CCDC93: variants seen among roughly 807,000 people sequenced by gnomAD.
CCDC93 encodes CCC complex scaffolding subunit CCDC93.
In CCDC93, 61 loss-of-function variants were observed where a neutral mutation model predicts 108.2. That is an observed-to-expected ratio of 0.56 (90% CI 0.46 to 0.70). The LOEUF (loss-of-function observed/expected upper bound fraction) is 0.70, where lower values mean the gene tolerates loss of function less well. Ranked by LOEUF, CCDC93 falls within the 30% of genes least tolerant of loss-of-function variation. The pLI is 0.00. For synonymous variants in CCDC93, 276 were observed against 260.4 expected, an observed-to-expected ratio of 1.06 and a Z score of -0.58; for missense variants, 685 against 764.2, an observed-to-expected ratio of 0.90 and a Z score of 1.22.
In CCDC93 at chr2:117,916,437, G is replaced by C. The variant is rs1249919827; in HGVS notation, c.*3906C>G. The C allele has an allele frequency of 6.6e-6, 1 of 152,170 alleles. No individual in the cohort carries two copies. Among genetic ancestry groups the C allele is most frequent in the Non-Finnish European group, 1.5e-5 (1 of 68,036 alleles). The allele number at this position is 152,170 out of a possible 1,614,324, so 9.4% of individuals were successfully genotyped here. A position where few individuals can be genotyped will look rare whatever the true frequency, so the allele number is the denominator to read the frequency against. On this transcript the variant is annotated 3_prime_UTR_variant, in exon 24 of 24. Coordinates refer to ENST00000376300, the MANE Select transcript of CCDC93 (RefSeq NM_019044.5). ...AAGGTTACAGTATAACATACTCTGAGAGAGACCCTCTAAAGTTGTGAAAAC... is the reference window on the plus strand; with the variant it reads ...AAGGTTACAGTATAACATACTCTGACAGAGACCCTCTAAAGTTGTGAAAAC...
intron 6 of CCDC93, among the ~76,000 whole-genome samples, chr2:117,992,250 TTTA>T (rs1243244810): frequency 6.6e-6 from 1 of 152,134 alleles, no homozygotes; most frequent in Non-Finnish European, 1.5e-5. Flanking sequence ...CCCCTTTTTA[TTTA>T]TTGTTTTGAG....
intron 12 of CCDC93, among the ~76,000 whole-genome samples, chr2:117,954,929 A>C (rs1468474933): frequency 6.6e-6 from 1 of 151,394 alleles, no homozygotes; most frequent in African/African-American, 2.4e-5. Context: ...GTGAAGAAGG[A>C]CATGTTTGCT....
At chr2:117,930,354 A>T (rs1266544687) in intron 23 of CCDC93, among the ~76,000 whole-genome samples, 1 of 152,188 alleles carries the variant, frequency 6.6e-6, no homozygotes, top group Non-Finnish European at 1.5e-5. Flanking sequence ...CAAGGGACCA[A>T]ATGAAGTCTT....
intron 11 of CCDC93, among the ~76,000 whole-genome samples, chr2:117,973,101 T>C (rs936206409): frequency 6.6e-6 from 1 of 152,226 alleles, no homozygotes; most frequent in Non-Finnish European, 1.5e-5. Flanking sequence ...TGATAACGCC[T>C]CCAGATTACT....
At chr2:117,931,362 A>G (rs950071538) in intron 22 of CCDC93, 1 of 460,498 alleles carries the variant, frequency 2.2e-6, no homozygotes, top group African/African-American at 2.0e-5. Context: ...ACTGAGTATT[A>G]ACTGTTTCCA....
At chr2:117,937,853 C>T (rs142651503) in intron 20 of CCDC93, among the ~76,000 whole-genome samples, 68 of 152,138 alleles carry the variant, frequency 4.5e-4, no homozygotes, top group African/African-American at 1.5e-3. Context: ...CTGTGTAAGC[C>T]CCGGATACAG....
intron 11 of CCDC93, among the ~76,000 whole-genome samples, chr2:117,960,820 T>A (rs1322666460): frequency 2.0e-5 from 3 of 152,254 alleles, no homozygotes; most frequent in Admixed American, 6.5e-5. Flanking sequence ...TACAGTGACA[T>A]CTTCCAGATG....
chr2:117,924,822 A>C (rs993466796), intron 23 of CCDC93, among the ~76,000 whole-genome samples: 1 of 152,210 alleles, frequency 6.6e-6, no homozygotes, highest in Non-Finnish European at 1.5e-5. Context: ...CAAGACACAT[A>C]ATTGTCAGAT....
rs181164804 is a variant in CCDC93 at position 118,004,334 on chromosome 2, G to C, written c.251+2388C>G. Among the ~76,000 whole-genome samples the C allele has an allele frequency of 1.6e-4, 25 of 152,342 alleles. No individual in the cohort carries two copies. The East Asian group carries it at 4.6e-3, about 28-fold the overall frequency. On this transcript the variant is annotated intron_variant, in intron 3 of 23. Transcript: ENST00000376300. The stretch of plus-strand genomic sequence containing the variant: ...TGGGCCTCTGGCCATAGGACCCTCT[G>C]TTAATGGGGCTTCAGAAGAAGATAG...
chr2:117,942,715 T>C (rs570206207), intron 18 of CCDC93, among the ~76,000 whole-genome samples: 11 of 152,284 alleles, frequency 7.2e-5, no homozygotes, highest in African/African-American at 2.6e-4. Context: ...TCTCAGGGCC[T>C]CTTCCACATT....
At chr2:117,974,963 T>C in intron 9 of CCDC93, 63 bp from the exon 10 acceptor site, 1 of 1,355,834 alleles carries the variant, frequency 7.4e-7, no homozygotes. Context: ...AGAAGCAATA[T>C]GCCTACATGG....
At chr2:117,938,682 C>T (rs1678601329) in intron 20 of CCDC93, among the ~76,000 whole-genome samples, 1 of 152,034 alleles carries the variant, frequency 6.6e-6, no homozygotes, top group East Asian at 1.9e-4. Context: ...TCCCTGTAAA[C>T]TATAACAAGC....
chr2:117,980,281 C>A (rs571735993), intron 7 of CCDC93, among the ~76,000 whole-genome samples: 207 of 152,314 alleles, frequency 1.4e-3, no homozygotes, highest in Non-Finnish European at 2.6e-3. Context: ...TTTTTTCAAC[C>A]AGGGAACCCT....
At chr2:118,012,296 T>G (rs1036575051) in intron 1 of CCDC93, among the ~76,000 whole-genome samples, 2 of 152,072 alleles carry the variant, frequency 1.3e-5, no homozygotes, top group Non-Finnish European at 2.9e-5. Flanking sequence ...AAGAATGAAT[T>G]TAATGAATTA....
At chr2:117,989,046 C>CT (rs1680401258) in intron 6 of CCDC93, among the ~76,000 whole-genome samples, 1 of 152,188 alleles carries the variant, frequency 6.6e-6, no homozygotes, top group East Asian at 1.9e-4. Context: ...AGACTGACAA[C>CT]TATTGGCTCA....
intron 6 of CCDC93, among the ~76,000 whole-genome samples, chr2:117,989,720 T>C (rs1680420659): frequency 6.6e-6 from 1 of 152,204 alleles, no homozygotes; most frequent in Admixed American, 6.5e-5. Flanking sequence ...AGCAGAGCTG[T>C]TACGAAAATA....
At chr2:117,967,450 CTT>C (rs1013632044) in intron 11 of CCDC93, among the ~76,000 whole-genome samples, 6 of 152,226 alleles carry the variant, frequency 3.9e-5, no homozygotes, top group African/African-American at 1.2e-4. Flanking sequence ...ACCATTTTCA[CTT>C]TCTCTTGTTT....
intron 3 of CCDC93, among the ~76,000 whole-genome samples, chr2:118,006,389 C>A (rs1295736035): frequency 6.6e-6 from 1 of 152,170 alleles, no homozygotes; most frequent in Admixed American, 6.5e-5. Flanking sequence ...GCAAGGAGAC[C>A]ATGCTGCTTT....
chr2:117,982,471 C>A (rs1680175213), intron 7 of CCDC93, among the ~76,000 whole-genome samples: 3 of 152,096 alleles, frequency 2.0e-5, no homozygotes, highest in Non-Finnish European at 1.5e-5. Context: ...GATAAACAGT[C>A]CTTAAGGCCT....
Sources: gnomAD v4.1 joint callset for allele counts (sites outside exome capture counted in the v4.1 genomes callset) on GRCh38, gnomAD v4.1.1 for gene constraint, MANE v1.5 for transcripts, NCBI Gene and HGNC (gene_info 2026-07-23, HGNC 2026-07-21) for gene names.